SDC2: variants seen among roughly 807,000 people sequenced by gnomAD.
SDC2 encodes the protein syndecan 2, also known as syndecan-2.
A neutral mutation model predicts 22.2 loss-of-function variants in SDC2; 13 were observed. That is an observed-to-expected ratio of 0.59 (90% CI 0.38 to 0.93). SDC2 has a LOEUF of 0.93. Ranked by LOEUF, SDC2 falls within the 40% of genes least tolerant of loss-of-function variation. The pLI is 0.00. For synonymous variants in SDC2, 94 were observed against 92.8 expected (o/e 1.01, Z -0.07); for missense variants, 235 against 246.8 (o/e 0.95, Z 0.32).
At chr8:96,592,933 C>T (rs775238807) in intron 1 of SDC2, among the ~76,000 whole-genome samples, 9 of 152,222 alleles carry the variant, frequency 5.9e-5, no homozygotes, top group Non-Finnish European at 1.2e-4. Flanking sequence ...GAAAGGCCTG[C>T]ATGGCCTGAG....
chr8:96,579,057 A>T (rs1814550333), intron 1 of SDC2, among the ~76,000 whole-genome samples: 1 of 152,192 alleles, frequency 6.6e-6, no homozygotes, highest in African/African-American at 2.4e-5. Context: ...ATAGCAGTTA[A>T]GTTTTTTTGT....
chr8:96,537,425 G>C (rs1490976419), intron 1 of SDC2: 1 of 152,098 alleles, frequency 6.6e-6, no homozygotes, highest in Non-Finnish European at 1.5e-5. Flanking sequence ...ATGGTGTCCA[G>C]GTATCCAAGA....
At chr8:96,552,087 G>C (rs1459632903) in intron 1 of SDC2, among the ~76,000 whole-genome samples, 1 of 152,204 alleles carries the variant, frequency 6.6e-6, no homozygotes, top group Non-Finnish European at 1.5e-5. Flanking sequence ...ACATTGGTGT[G>C]TGTTTGGCTT....
chr8:96,596,184 TG>T (rs1814873117), intron 2 of SDC2, among the ~76,000 whole-genome samples: 1 of 152,162 alleles, frequency 6.6e-6, no homozygotes, highest in Non-Finnish European at 1.5e-5. Context: ...GTAATAGAAC[TG>T]GGATAGTGAG....
intron 1 of SDC2, among the ~76,000 whole-genome samples, chr8:96,525,109 C>G (rs1287046644): frequency 2.0e-5 from 3 of 152,232 alleles, no homozygotes; most frequent in African/African-American, 7.2e-5. Flanking sequence ...TCCCTCTCTT[C>G]TGCATGCAAA....
chr8:96,536,858 T>A (rs539389627), intron 1 of SDC2, among the ~76,000 whole-genome samples: 1 of 152,206 alleles, frequency 6.6e-6, no homozygotes, highest in East Asian at 1.9e-4. Flanking sequence ...GGAGACTCAG[T>A]CTGCTGTTGG....
chr8:96,559,091 A>C (rs1814166753), intron 1 of SDC2, among the ~76,000 whole-genome samples: 1 of 152,136 alleles, frequency 6.6e-6, no homozygotes, highest in Non-Finnish European at 1.5e-5. Context: ...CTTTATGCTC[A>C]GTCTGGGCTG....
chr8:96,548,534 A>G (rs1165581284), intron 1 of SDC2, among the ~76,000 whole-genome samples: 2 of 152,230 alleles, frequency 1.3e-5, no homozygotes, highest in Admixed American at 1.3e-4. Context: ...CTGCAGATAG[A>G]TGATATGATT....
chr8:96,600,214 C>T (rs1274891288), intron 2 of SDC2, among the ~76,000 whole-genome samples: 2 of 152,122 alleles, frequency 1.3e-5, no homozygotes, highest in Non-Finnish European at 2.9e-5. Flanking sequence ...GCTTTCCCAC[C>T]TGCTTATTAC....
chr8:96,527,588 T>A (rs573981174), intron 1 of SDC2, among the ~76,000 whole-genome samples: 1 of 152,178 alleles, frequency 6.6e-6, no homozygotes, highest in Non-Finnish European at 1.5e-5. Flanking sequence ...GGCCTCTTCG[T>A]GCAGGCTGTT....
intron 1 of SDC2, among the ~76,000 whole-genome samples, chr8:96,584,257 G>A (rs1412776897): frequency 6.6e-6 from 1 of 152,218 alleles, no homozygotes; most frequent in Non-Finnish European, 1.5e-5. Context: ...AGCCTGAGCT[G>A]AAGCCTGGAA....
chr8:96,498,474 T>C (rs1309522556), intron 1 of SDC2, among the ~76,000 whole-genome samples: 1 of 151,700 alleles, frequency 6.6e-6, no homozygotes, highest in Non-Finnish European at 1.5e-5. Flanking sequence ...GCTAATCTTT[T>C]TTTTTTTTCC....
In SDC2 at chr8:96,495,317, G is replaced by C. The variant is rs578243464; in HGVS notation, c.60+986G>C. On this transcript the variant is annotated intron_variant, in intron 1 of 4. Coordinates refer to ENST00000302190, the MANE Select transcript of SDC2 (RefSeq NM_002998.4). ...TCCCCCGCCCTGGCGGTGGGAACTT[G>C]ATTTCTCCTTTTGGTCGCGCTTCGG... Among the ~76,000 whole-genome samples the C allele has an allele frequency of 2.0e-5, 3 of 152,316 alleles. No individual in the cohort carries two copies. In the South Asian group the frequency reaches 6.2e-4, roughly 32 times the overall value.
At chr8:96,524,828 T>C (rs1036951824) in intron 1 of SDC2, among the ~76,000 whole-genome samples, 1 of 152,190 alleles carries the variant, frequency 6.6e-6, no homozygotes, top group Non-Finnish European at 1.5e-5. Context: ...AGACCTAATA[T>C]AGTATCATTT....
intron 1 of SDC2, among the ~76,000 whole-genome samples, chr8:96,524,526 T>C (rs1296619805): frequency 1.3e-5 from 2 of 152,166 alleles, no homozygotes; most frequent in Non-Finnish European, 2.9e-5. Flanking sequence ...TCAACTCCTC[T>C]GGTTTCAGAA....
chr8:96,603,194 A>G lies in SDC2; in HGVS notation c.306+666A>G, dbSNP rs1815022432. On this transcript the variant is annotated intron_variant, in intron 3 of 4. Transcript: ENST00000302190. ...ATAGGTAACCCACTGAAGTTAGAAC[A>G]TGCATATTAAAGTCTGGCAAAGACC... 2.0e-5 allele frequency among the ~76,000 whole-genome samples: 3 copies of G among 152,334 alleles called. No homozygotes were observed. In the South Asian group the frequency reaches 6.2e-4, roughly 32 times the overall value.
chr8:96,599,522 C>T (rs1340669786), intron 2 of SDC2, among the ~76,000 whole-genome samples: 1 of 136,120 alleles, frequency 7.3e-6, no homozygotes, highest in Non-Finnish European at 1.6e-5. Flanking sequence ...TTTCTGGACC[C>T]ATCATTATTA....
At chr8:96,512,667 A>G (rs1327843032) in intron 1 of SDC2, among the ~76,000 whole-genome samples, 1 of 152,220 alleles carries the variant, frequency 6.6e-6, no homozygotes, top group African/African-American at 2.4e-5. Flanking sequence ...GAGTTAGTCA[A>G]GCATGGAATA....
intron 1 of SDC2, among the ~76,000 whole-genome samples, chr8:96,587,823 C>G (rs1345039146): frequency 6.6e-6 from 1 of 151,962 alleles, no homozygotes; most frequent in Non-Finnish European, 1.5e-5. Context: ...TTCCCCAGTC[C>G]TTTATTATTA....
Sources: gnomAD v4.1 joint callset for allele counts (sites outside exome capture counted in the v4.1 genomes callset) on GRCh38, gnomAD v4.1.1 for gene constraint, MANE v1.5 for transcripts, NCBI Gene and HGNC (gene_info 2026-07-23, HGNC 2026-07-21) for gene names.